PLCH2: variants seen among roughly 807,000 people sequenced by gnomAD.
The protein encoded by PLCH2 is phospholipase C eta 2.
PLCH2 carries 98 observed loss-of-function variants against 134.7 expected under a neutral mutation model. The observed-to-expected ratio is 0.73, with a 90% CI of 0.62 to 0.86. PLCH2 has a LOEUF of 0.86. Among genes scored for constraint, PLCH2 ranks in the 40% least tolerant of loss-of-function variants. The probability of loss-of-function intolerance (pLI) is 0.00; values close to 1 mark genes in which losing one functional copy is unlikely to be tolerated. For missense variants in PLCH2, 1,994 were observed against 1,986.6 expected (o/e 1.00, Z -0.07); for synonymous variants, 974 against 827.5 (o/e 1.18, Z -3.04).
chr1:2,490,546 C>T (rs1380265154), intron 10 of PLCH2, among the ~76,000 whole-genome samples: 2 of 152,186 alleles, frequency 1.3e-5, no homozygotes. Flanking sequence ...AAGGCCGTTG[C>T]TTCCAGAGGG....
chr1:2,484,056 C>CGCTGACTCCCGTGTGGGGGGT (rs1642159463), intron 4 of PLCH2, among the ~76,000 whole-genome samples: 1 of 144,264 alleles, frequency 6.9e-6, no homozygotes, highest in Admixed American at 6.8e-5. Context: ...GTGTGGGTGG[C>CGCTGACTCCCGTGTGGGGGGT]GTTGGCTCCC....
rs1232529164 is a variant in PLCH2 at position 2,496,714 on chromosome 1, T to C, written c.1933+10T>C. On this transcript the variant is annotated intron_variant, in intron 14 of 21. Transcript: ENST00000378486. ...GACATAGAGATGGAGGGTGAGTGGC[T>C]CGGGGACCTGGGGCCACGGGCGGAG... is the stretch of plus-strand genomic sequence containing the variant. 6.2e-7 allele frequency: 1 copy of C among 1,610,036 alleles called. No individual in the cohort carries two copies. Among genetic ancestry groups the C allele is most frequent in the African/African-American group, 1.3e-5 (1 of 74,982 alleles).
At chr1:2,467,707 C>T (rs1221059799) in intron 1 of PLCH2, 10 of 404,526 alleles carry the variant, frequency 2.5e-5, no homozygotes, top group African/African-American at 1.6e-4. Flanking sequence ...TGATGGTCCC[C>T]GTAGGGAGCC....
intron 2 of PLCH2, among the ~76,000 whole-genome samples, chr1:2,437,876 G>A (rs142314697): frequency 2.6e-5 from 4 of 152,242 alleles, no homozygotes; most frequent in East Asian, 3.9e-4. Context: ...ACCCACGCAC[G>A]TGGCCGTCCA....
chr1:2,467,785 C>G (rs1295717256), intron 1 of PLCH2: 1 of 398,628 alleles, frequency 2.5e-6, no homozygotes, highest in East Asian at 3.6e-5. Context: ...CCACTGACCC[C>G]CCGTGGGCAG....
intron 2 of PLCH2, among the ~76,000 whole-genome samples, chr1:2,449,719 T>C (rs1187393614): frequency 2.0e-5 from 3 of 152,182 alleles, no homozygotes; most frequent in East Asian, 3.9e-4. Context: ...TGTGTGGCCT[T>C]GGGCAATGGA....
At position 2,481,053 on chromosome 1, in the gene PLCH2, C is replaced by A. The variant is rs560689441; in HGVS notation, c.645+741C>A. ...ACGCATGCACGTGCATAAATACACG[C>A]ACACACGTGCACATACACATATGCA... On this transcript the variant is annotated intron_variant, in intron 4 of 21. Transcript: ENST00000378486. Among the ~76,000 whole-genome samples the A allele has an allele frequency of 5.9e-5, 9 of 152,324 alleles. No homozygotes were observed. In the South Asian group the frequency reaches 1.9e-3, roughly 32 times the overall value.
At chr1:2,449,211 C>T (rs1428862160) in intron 2 of PLCH2, among the ~76,000 whole-genome samples, 1 of 145,784 alleles carries the variant, frequency 6.9e-6, no homozygotes, top group Non-Finnish European at 1.5e-5. Context: ...GGGCGTCTGG[C>T]CAGCCACGGT....
At chr1:2,499,327 G>GCCCA in intron 19 of PLCH2, 97 bp downstream of exon 19, 1 of 1,372,488 alleles carries the variant, frequency 7.3e-7, no homozygotes, top group Non-Finnish European at 1.0e-6. Flanking sequence ...GTGTAGGTGG[G>GCCCA]CCTGCACCTG....
intron 11 of PLCH2, chr1:2,493,422 G>C (rs1241741191): frequency 2.0e-5 from 3 of 152,288 alleles, no homozygotes; most frequent in Non-Finnish European, 4.4e-5. Flanking sequence ...GGAAACCGGG[G>C]CTGGCTTTTC....
chr1:2,427,409 G>C (rs12116913), intron 1 of PLCH2, among the ~76,000 whole-genome samples: 23,763 of 152,218 alleles, frequency 0.16, 2,285 homozygotes, highest in East Asian at 0.34. Context: ...TCCGGGATAG[G>C]GTCCTGCCCT....
the PLCH2 span, among the ~76,000 whole-genome samples, chr1:2,420,675 C>G: frequency 6.6e-6 from 1 of 152,200 alleles, no homozygotes; most frequent in African/African-American, 2.4e-5. Context: ...AAGCTGACCT[C>G]TGACCCAGAG....
At chr1:2,483,784 TTTGGGGGGGCGCTGACCCCC>T (rs1558004711) in intron 4 of PLCH2, among the ~76,000 whole-genome samples, 3 of 136,426 alleles carry the variant, frequency 2.2e-5, no homozygotes, top group Admixed American at 7.2e-5. Context: ...CTGACCCCCG[TTTGGGGGGGCGCTGACCCCC>T]GTGTGGGGGT....
chr1:2,433,857 C>G (rs1039612057), intron 2 of PLCH2, among the ~76,000 whole-genome samples: 1 of 152,236 alleles, frequency 6.6e-6, no homozygotes, highest in Non-Finnish European at 1.5e-5. Context: ...TCGACTCCCT[C>G]CACGGATGTG....
upstream of PLCH2, among the ~76,000 whole-genome samples, chr1:2,465,543 C>T (rs930941019): frequency 6.6e-6 from 1 of 152,198 alleles, no homozygotes; most frequent in Non-Finnish European, 1.5e-5. Context: ...GCCTGGCTCC[C>T]CTGCCACCAT....
At chr1:2,486,841 G>T in intron 5 of PLCH2, 66 bp from the exon 6 acceptor site, 2 of 1,232,018 alleles carry the variant, frequency 1.6e-6, no homozygotes, top group Non-Finnish European at 2.3e-6. Flanking sequence ...GGTGATGGGG[G>T]AGCTGCCTGA....
upstream of PLCH2, among the ~76,000 whole-genome samples, chr1:2,424,794 T>A (rs745589292): frequency 3.9e-5 from 6 of 152,196 alleles, no homozygotes; most frequent in African/African-American, 7.2e-5. Context: ...GAGACCATCC[T>A]GGCTAACACA....
chr1:2,485,848 G>C (rs1642257241), intron 5 of PLCH2, among the ~76,000 whole-genome samples: 1 of 152,170 alleles, frequency 6.6e-6, no homozygotes, highest in Non-Finnish European at 1.5e-5. Flanking sequence ...CCACCCCCAA[G>C]CTTACCACAA....
In PLCH2 at chr1:2,505,074, C is replaced by A. The variant is rs1643471223; in HGVS notation, c.4112C>A (p.Pro1371His). 1 of 1,538,498 alleles carries A rather than the reference C, an allele frequency of 6.5e-7. No individual in the cohort carries two copies. The highest frequency in any genetic ancestry group is 8.7e-7 in the Non-Finnish European group (1 of 1,149,684). The change falls in exon 22 of 22, where the codon CCC (proline) becomes CAC (histidine). Residue 1371 changes from proline (P) to histidine (H), a missense_variant. By Grantham distance (77) the Pro-to-His change is moderately conservative. Around this residue, in one of 2 missense-constraint regions of PLCH2, gnomAD observed 900 missense variants for 752.3 expected, o/e 1.20. Coordinates refer to ENST00000378486, the MANE Select transcript of PLCH2 (RefSeq NM_014638.4). ...QRLQGLGRQG[P>H]PEEERGTPEG... ...CTGCAGGGCCTGGGCCGGCAGGGACCCCCAGAAGAGGAGCGGGGCACCCCC... is the reference window on the plus strand; with the variant it reads ...CTGCAGGGCCTGGGCCGGCAGGGACACCCAGAAGAGGAGCGGGGCACCCCC...
Sources: allele counts gnomAD v4.1 joint callset (sites outside exome capture counted in the v4.1 genomes callset), GRCh38; gene constraint gnomAD v4.1.1; regional missense constraint gnomAD v4.1.1; transcripts MANE v1.5; gene names NCBI Gene and HGNC (gene_info 2026-07-23, HGNC 2026-07-21).